The following FGGY variants were observed in gnomAD, a reference collection of about 807,000 sequenced individuals.
FGGY encodes the protein FGGY carbohydrate kinase domain containing, also known as FGGY carbohydrate kinase domain-containing protein.
FGGY carries 72 observed loss-of-function variants against 71.3 expected under a neutral mutation model. The ratio of observed to expected loss-of-function variants is 1.01; its 90% CI spans 0.84 to 1.23. The LOEUF (loss-of-function observed/expected upper bound fraction) is 1.23. Ranked by LOEUF, FGGY falls within the 50% of genes most tolerant of loss-of-function variation. The probability of loss-of-function intolerance (pLI) is 0.00; values close to 1 mark genes in which losing one functional copy is unlikely to be tolerated. For synonymous variants in FGGY, 251 were observed against 250.3 expected (o/e 1.00, Z -0.02); for missense variants, 668 against 682.3 (o/e 0.98, Z 0.23).
chr1:59,379,639 A>T (rs892417699), intron 5 of FGGY, among the ~76,000 whole-genome samples: 1 of 152,168 alleles, frequency 6.6e-6, no homozygotes, highest in African/African-American at 2.4e-5. Flanking sequence ...AATTTATTTT[A>T]AAAATTTGTT....
intron 14 of FGGY, among the ~76,000 whole-genome samples, chr1:59,727,779 A>G (rs993272396): frequency 1.3e-5 from 2 of 152,130 alleles, no homozygotes; most frequent in African/African-American, 2.4e-5. Context: ...GAGGTATCAC[A>G]ATACCTGTCT....
intron 5 of FGGY, among the ~76,000 whole-genome samples, chr1:59,400,342 A>G (rs1011030436): frequency 6.6e-6 from 1 of 152,166 alleles, no homozygotes; most frequent in African/African-American, 2.4e-5. Context: ...ACCTTAAAGA[A>G]CACCAGTGAT....
chr1:59,434,095 T>C (rs2067929187), intron 5 of FGGY, among the ~76,000 whole-genome samples: 1 of 152,226 alleles, frequency 6.6e-6, no homozygotes, highest in Non-Finnish European at 1.5e-5. Flanking sequence ...AATAAGATAA[T>C]CTGCTCAAAA....
At chr1:59,569,934 G>C (rs1029763629) in intron 8 of FGGY, among the ~76,000 whole-genome samples, 1 of 152,114 alleles carries the variant, frequency 6.6e-6, no homozygotes, top group Non-Finnish European at 1.5e-5. Context: ...GCAATCCTTG[G>C]TTCATCTTCA....
chr1:59,685,218 C>T (rs1233988100), intron 14 of FGGY, among the ~76,000 whole-genome samples: 2 of 152,040 alleles, frequency 1.3e-5, no homozygotes, highest in African/African-American at 4.8e-5. Context: ...TCTCTCACTA[C>T]TGAGGAAGAA....
rs1403312900 is a variant in FGGY, at chr1:59,627,487, TATACAC to T, written c.1073+1440_1073+1445del. ...ATATATATATATATATATATATATA[TATACAC>T]ACACACACACACACACAGCTGGATA... On this transcript the variant is annotated intron_variant, in intron 10 of 15. Coordinates refer to ENST00000303721, the MANE Select transcript of FGGY (RefSeq NM_018291.5). 4.9e-3 allele frequency among the ~76,000 whole-genome samples: 538 copies of T among 109,514 alleles called. 1 individual carries two copies. The highest frequency in any genetic ancestry group is 0.029 in the Middle Eastern group (6 of 208). The allele number at this position is 109,514 out of a possible 152,430, so 71.8% of individuals were successfully genotyped here.
intron 8 of FGGY, among the ~76,000 whole-genome samples, chr1:59,573,452 GTA>G (rs142216333): frequency 3.4e-4 from 52 of 151,114 alleles, no homozygotes; most frequent in African/African-American, 1.3e-3. Flanking sequence ...ATGTGTGTGT[GTA>G]TATATATGTT....
intron 5 of FGGY, among the ~76,000 whole-genome samples, chr1:59,417,981 T>TG (rs1244155797): frequency 1.3e-5 from 2 of 152,212 alleles, no homozygotes; most frequent in Admixed American, 1.3e-4. Context: ...AAACTTCTGT[T>TG]GGACAGCACT....
At chr1:59,310,729 G>T (rs1489471842) in intron 1 of FGGY, among the ~76,000 whole-genome samples, 2 of 152,152 alleles carry the variant, frequency 1.3e-5, no homozygotes, top group Non-Finnish European at 2.9e-5. Context: ...TCTCTCCTCA[G>T]TGTGTGTTCC....
intron 7 of FGGY, among the ~76,000 whole-genome samples, chr1:59,534,300 G>A (rs571857776): frequency 4.4e-4 from 67 of 152,156 alleles, no homozygotes; most frequent in African/African-American, 1.4e-3. Context: ...AAAAAGAAAC[G>A]AACAAAGCCT....
chr1:59,546,529 G>GATTATT (rs1491122158), intron 7 of FGGY, among the ~76,000 whole-genome samples: 1,681 of 91,566 alleles, frequency 0.018, 38 homozygotes, highest in African/African-American at 0.083. Flanking sequence ...TGATGATGAT[G>GATTATT]ATGATGATTA....
chr1:59,488,086 G>A (rs2093708693), intron 6 of FGGY, among the ~76,000 whole-genome samples: 1 of 151,950 alleles, frequency 6.6e-6, no homozygotes, highest in South Asian at 2.1e-4. Context: ...GCAGTTTTAA[G>A]GTGACATTAT....
chr1:59,363,438 C>T (rs1160956474), intron 4 of FGGY, among the ~76,000 whole-genome samples: 1 of 152,128 alleles, frequency 6.6e-6, no homozygotes, highest in Non-Finnish European at 1.5e-5. Flanking sequence ...TCATTTGATC[C>T]CCCATCAACC....
intron 8 of FGGY, among the ~76,000 whole-genome samples, chr1:59,569,367 A>T (rs6666691): frequency 2.0e-4 from 30 of 152,334 alleles, no homozygotes; most frequent in African/African-American, 7.2e-4. Flanking sequence ...ACAATAGAAT[A>T]TATTTCCACA....
rs553095175 is a variant in FGGY at position 59,481,829 on chromosome 1, C to T, written c.670+24753C>T. 3.3e-5 allele frequency among the ~76,000 whole-genome samples: 5 copies of T among 152,196 alleles called. No homozygotes were observed. The East Asian group carries it at 9.7e-4, about 29-fold the overall frequency. ...GAGACTTTCTAAGGGGTACACTGCC[C>T]CACTTTATCTTACCCCAGTGTATAT... On this transcript the variant is annotated intron_variant, in intron 6 of 15. Coordinates refer to ENST00000303721, the MANE Select transcript of FGGY (RefSeq NM_018291.5).
chr1:59,343,234 A>G (rs2153213052), intron 3 of FGGY, among the ~76,000 whole-genome samples: 1 of 152,308 alleles, frequency 6.6e-6, no homozygotes, highest in Middle Eastern at 3.4e-3. Flanking sequence ...TTAGCAAGGT[A>G]TTAATTAAGT....
At chr1:59,550,327 C>T (rs1026547570) in intron 7 of FGGY, among the ~76,000 whole-genome samples, 1 of 151,898 alleles carries the variant, frequency 6.6e-6, no homozygotes, top group Non-Finnish European at 1.5e-5. Context: ...CTTGCTTTTC[C>T]CTGCTTATCT....
intron 2 of FGGY, among the ~76,000 whole-genome samples, chr1:59,331,336 T>G (rs567359036): frequency 7.2e-5 from 11 of 152,312 alleles, no homozygotes; most frequent in African/African-American, 2.6e-4. Context: ...AGGACTGGGT[T>G]TATTTACTTC....
chr1:59,463,802 C>T (rs2092427340), intron 6 of FGGY, among the ~76,000 whole-genome samples: 1 of 152,034 alleles, frequency 6.6e-6, no homozygotes, highest in African/African-American at 2.4e-5. Context: ...ATCAATTCAA[C>T]AAGAAGAGCT....
Sources: gnomAD v4.1 joint callset for allele counts (sites outside exome capture counted in the v4.1 genomes callset) on GRCh38, gnomAD v4.1.1 for gene constraint, MANE v1.5 for transcripts, NCBI Gene and HGNC (gene_info 2026-07-23, HGNC 2026-07-21) for gene names.